Variants in SPEN observed in about 807,000 individuals in gnomAD.
SPEN encodes the protein msx2-interacting protein.
SPEN carries 18 observed loss-of-function variants against 269.9 expected under a neutral mutation model. The observed-to-expected ratio is 0.07, with a 90% CI of 0.05 to 0.10. The LOEUF (loss-of-function observed/expected upper bound fraction) is 0.10. Among genes scored for constraint, SPEN ranks in the 10% least tolerant of loss-of-function variants. The probability of loss-of-function intolerance (pLI) is 1.00; values close to 1 mark genes in which losing one functional copy is unlikely to be tolerated. For synonymous variants in SPEN, 1,726 were observed against 1,765.7 expected, an observed-to-expected ratio of 0.98 and a Z score of 0.56; for missense variants, 3,822 against 4,631.2, an observed-to-expected ratio of 0.83 and a Z score of 5.07.
chr1:15,874,354 A>G (rs760086242), intron 2 of SPEN: 3 of 1,366,272 alleles, frequency 2.2e-6, no homozygotes, highest in Non-Finnish European at 2.9e-6. Flanking sequence ...CTCTCCCTAG[A>G]TTTAATTGGG....
rs1262731306 is a variant in SPEN, at chr1:15,848,200, C to T, written c.83+50C>T. The T allele has an allele frequency of 3.0e-6, 4 of 1,319,126 alleles. No individual in the cohort carries two copies. The African/African-American group carries it at 6.1e-5, about 20-fold the overall frequency. The allele number at this position is 1,319,126 out of a possible 1,614,324, so 81.7% of individuals were successfully genotyped here. Reference sequence around the variant, plus strand: ...GCGCTCGCTCCTCGGGCGCCGCTTCCCGCCCCGGCCCGTTGCCGGCCCCTC... The same window carrying T: ...GCGCTCGCTCCTCGGGCGCCGCTTCTCGCCCCGGCCCGTTGCCGGCCCCTC... On this transcript the variant is annotated intron_variant, in intron 1 of 14. Transcript: ENST00000375759. The surrounding 1 kb of genome is among the most constrained non-coding windows in gnomAD (Gnocchi z 5.1).
rs974163324 is a variant in SPEN at position 15,929,249 on chromosome 1, G to A, written c.3009G>A (p.Lys1003=). The A allele has an allele frequency of 1.9e-6, 3 of 1,614,070 alleles. No individual in the cohort carries two copies. In the African/African-American group the frequency reaches 4.0e-5, roughly 22 times the overall value. ...LKAEKQKPEV[K]KSSPEMEDAR... ...CAGAAAAGCAAAAACCAGAGGTCAAGAAAAGCAGTCCAGAGATGGAGGATG... is the reference window on the plus strand; with the variant it reads ...CAGAAAAGCAAAAACCAGAGGTCAAAAAAAGCAGTCCAGAGATGGAGGATG... Residue 1003 remains lysine (K), a synonymous_variant, in exon 11 of 15, where the codon AAG becomes AAA. Coordinates refer to ENST00000375759, the MANE Select transcript of SPEN (RefSeq NM_015001.3). The surrounding 1 kb of genome is among the most constrained non-coding windows in gnomAD (Gnocchi z 5.8).
At chr1:15,858,391 A>G (rs549003911) in intron 1 of SPEN, among the ~76,000 whole-genome samples, 2 of 152,172 alleles carry the variant, frequency 1.3e-5, no homozygotes, top group African/African-American at 2.4e-5. Flanking sequence ...TAAATTCTCT[A>G]GTGTGTACCT....
At chr1:15,855,188 G>A (rs1053717888) in intron 1 of SPEN, among the ~76,000 whole-genome samples, 2 of 152,118 alleles carry the variant, frequency 1.3e-5, no homozygotes, top group African/African-American at 2.4e-5. Context: ...TTTTAGTCCA[G>A]CCTTAAATGC....
chr1:15,930,415 C>T lies in SPEN; in HGVS notation c.4175C>T (p.Ser1392Leu). ...GAAGATGGTGAACACAAATCCCACTCACCCAGAGCCTCTGCATTATATGAA... is the reference window on the plus strand; with the variant it reads ...GAAGATGGTGAACACAAATCCCACTTACCCAGAGCCTCTGCATTATATGAA... ...SDEDGEHKSH[S>L]PRASALYESS... The change falls in exon 11 of 15, where the codon TCA becomes TTA. Residue 1392 changes from serine to leucine, a missense_variant. Physicochemically the swap from Ser to Leu is moderately radical, Grantham distance 145. Coordinates refer to ENST00000375759, the MANE Select transcript of SPEN (RefSeq NM_015001.3). The surrounding 1 kb of genome is among the most constrained non-coding windows in gnomAD (Gnocchi z 5.3). 1 of 1,614,090 alleles carries T rather than the reference C, an allele frequency of 6.2e-7. No homozygotes were observed. The highest frequency in any genetic ancestry group is 1.7e-5 in the Admixed American group (1 of 60,022).
chr1:15,919,687 T>G (rs2071098521), intron 8 of SPEN, among the ~76,000 whole-genome samples, 170 bp downstream of exon 8: 1 of 152,232 alleles, frequency 6.6e-6, no homozygotes, highest in African/African-American at 2.4e-5. Flanking sequence ...TTGCCTTAAG[T>G]TATGAGTATT....
intron 1 of SPEN, among the ~76,000 whole-genome samples, chr1:15,869,527 T>G (rs2070551794): frequency 6.6e-6 from 1 of 152,190 alleles, no homozygotes; most frequent in Admixed American, 6.5e-5. Flanking sequence ...AGAGGAATGA[T>G]TTTAATCTTT....
chr1:15,854,462 A>G (rs1024671112), intron 1 of SPEN, among the ~76,000 whole-genome samples: 9 of 152,134 alleles, frequency 5.9e-5, no homozygotes, highest in African/African-American at 1.9e-4. Context: ...TAGAATGTTA[A>G]TCATTTTATT....
At chr1:15,924,409 T>C (rs546408096) in intron 10 of SPEN, among the ~76,000 whole-genome samples, 10 of 152,158 alleles carry the variant, frequency 6.6e-5, no homozygotes, top group African/African-American at 9.7e-5. Context: ...TGTGTGAGGG[T>C]TGAATAATGT....
intron 2 of SPEN, chr1:15,873,896 A>G (rs181656762): frequency 1.1e-5 from 13 of 1,134,484 alleles, no homozygotes; most frequent in East Asian, 6.3e-5. Flanking sequence ...GAGGATTACT[A>G]TATCATTTCT....
intron 3 of SPEN, among the ~76,000 whole-genome samples, chr1:15,902,791 T>C (rs1310185262): frequency 6.6e-6 from 1 of 152,252 alleles, no homozygotes; most frequent in African/African-American, 2.4e-5. Context: ...AGAAAAATTA[T>C]TAGCTACCTG....
At position 15,928,180 on chromosome 1, in the gene SPEN, G is replaced by C. The variant is rs779095094; in HGVS notation, c.1940G>C (p.Arg647Thr). 9.3e-6 allele frequency: 15 copies of C among 1,614,190 alleles called. No homozygotes were observed. Among genetic ancestry groups the C allele is most frequent in the Non-Finnish European group, 1.2e-5 (14 of 1,180,026 alleles). The part of the protein sequence containing the change: ...RTPGTYPEDS[R>T]RDYPARGREF... ...CCAGGCACTTATCCTGAGGATTCCA[G>C]GCGGGACTATCCAGCTCGAGGGAGA... Residue 647 changes from arginine to threonine, a missense_variant, in exon 11 of 15, where the codon AGG becomes ACG. Physicochemically the swap from Arg to Thr is moderately conservative, Grantham distance 71. This residue lies in a region of SPEN where 230 missense variants were observed against 426.1 expected (regional missense o/e 0.54). Coordinates refer to ENST00000375759, the MANE Select transcript of SPEN (RefSeq NM_015001.3). The surrounding 1 kb of genome is among the most constrained non-coding windows in gnomAD (Gnocchi z 5.7).
intron 3 of SPEN, among the ~76,000 whole-genome samples, chr1:15,879,844 G>A (rs938422591): frequency 5.3e-5 from 8 of 151,996 alleles, no homozygotes; most frequent in African/African-American, 1.9e-4. Flanking sequence ...CTAATTTTTT[G>A]TATTTTTAGT....
Position 15,937,534 on chromosome 1 carries a change from C to T in SPEN, c.10398C>T (p.Ser3466=). 2 of 1,614,174 alleles carry T rather than the reference C, an allele frequency of 1.2e-6. No homozygotes were observed. The highest frequency in any genetic ancestry group is 1.3e-5 in the African/African-American group (1 of 75,042). ...PLFVPTTSGP[S]TPPGLVLPHT... ...TTGTCCCAACAACCTCTGGCCCCAG[C>T]ACCCCACCAGGACTGGTTCTGCCAC... Residue 3466 remains serine, a synonymous_variant, in exon 12 of 15, where the codon AGC becomes AGT. Coordinates refer to ENST00000375759, the MANE Select transcript of SPEN (RefSeq NM_015001.3). The surrounding 1 kb of genome is among the most constrained non-coding windows in gnomAD (Gnocchi z 5.7).
chr1:15,931,298 A>C lies in SPEN; in HGVS notation c.5058A>C (p.Ala1686=), dbSNP rs1307117376. The C allele has an allele frequency of 1.2e-6, 2 of 1,614,204 alleles. No homozygotes were observed. Among genetic ancestry groups the C allele is most frequent in the South Asian group, 2.2e-5 (2 of 91,086 alleles). ...PATVSEEAKP[A]SEPAPAPVEQ... ...CCGTCTCAGAAGAAGCAAAGCCTGC[A>C]TCTGAACCTGCTCCTGCCCCTGTGG... Residue 1686 remains alanine (A), a synonymous_variant, in exon 11 of 15, where the codon GCA becomes GCC. Coordinates refer to ENST00000375759, the MANE Select transcript of SPEN (RefSeq NM_015001.3). The surrounding 1 kb of genome is among the most constrained non-coding windows in gnomAD (Gnocchi z 4.8).
chr1:15,889,403 T>C (rs556059761), intron 3 of SPEN, among the ~76,000 whole-genome samples: 1 of 152,188 alleles, frequency 6.6e-6, no homozygotes, highest in South Asian at 2.1e-4. Flanking sequence ...TGACCTCCAG[T>C]GATCTGCCCA....
At chr1:15,936,324 A>G (rs2071274931) in intron 11 of SPEN, 58 bp downstream of exon 11, 10 of 1,488,354 alleles carry the variant, frequency 6.7e-6, no homozygotes, top group Non-Finnish European at 9.0e-6. Context: ...GGGGCTCAGC[A>G]GGCTTTTAAG....
chr1:15,905,508 T>C (rs2070947196), intron 3 of SPEN, among the ~76,000 whole-genome samples: 1 of 152,088 alleles, frequency 6.6e-6, no homozygotes, highest in Non-Finnish European at 1.5e-5. Flanking sequence ...AGGTGTTAGC[T>C]ACCATGCCTG....
At chr1:15,909,575 T>G in intron 4 of SPEN, 94 bp downstream of exon 4, 3 of 1,299,050 alleles carry the variant, frequency 2.3e-6, no homozygotes, top group Non-Finnish European at 3.2e-6. Context: ...GGCATAAAAT[T>G]ATAATGGAAA....
Sources: allele counts gnomAD v4.1 joint callset (sites outside exome capture counted in the v4.1 genomes callset), GRCh38; gene constraint gnomAD v4.1.1; regional missense constraint gnomAD v4.1.1; non-coding constraint Gnocchi (gnomAD v3.1); transcripts MANE v1.5; gene names NCBI Gene and HGNC (gene_info 2026-07-23, HGNC 2026-07-21).